SVOP: variants seen among roughly 807,000 people sequenced by gnomAD.
The protein encoded by SVOP is synaptic vesicle 2-related protein.
SVOP carries 17 observed loss-of-function variants against 69.1 expected under a neutral mutation model. The observed-to-expected ratio is 0.25, with a 90% CI of 0.17 to 0.37. The LOEUF (loss-of-function observed/expected upper bound fraction) is 0.37. SVOP is among the 10% of genes least tolerant of loss of function. The pLI, the probability that SVOP is intolerant of heterozygous loss-of-function variation, is 1.00. For synonymous variants in SVOP, 238 were observed against 238.6 expected (o/e 1.00, Z 0.02); for missense variants, 435 against 597.5 (o/e 0.73, Z 2.84).
chr12:108,942,075 A>G (rs2039894705), intron 7 of SVOP, among the ~76,000 whole-genome samples: 1 of 152,224 alleles, frequency 6.6e-6, no homozygotes, highest in African/African-American at 2.4e-5. Flanking sequence ...TAGGTACCTC[A>G]TATAAGTGGA....
At chr12:108,950,622 T>C (rs1307571600) in intron 6 of SVOP, among the ~76,000 whole-genome samples, 3 of 151,848 alleles carry the variant, frequency 2.0e-5, no homozygotes, top group Non-Finnish European at 4.4e-5. Context: ...AGTCAAGCGA[T>C]CCACCTGCTT....
chr12:108,964,687 C>T (rs2040035085), intron 5 of SVOP, among the ~76,000 whole-genome samples: 1 of 152,142 alleles, frequency 6.6e-6, no homozygotes, highest in African/African-American at 2.4e-5. Flanking sequence ...CACCCAATAG[C>T]TTGTTTGGGA....
At chr12:109,020,764 A>AC in intron 1 of SVOP, 70 bp downstream of exon 1, 2 of 194,916 alleles carry the variant, frequency 1.0e-5, no homozygotes, top group South Asian at 3.7e-5. Flanking sequence ...ACCCCCCCCC[A>AC]CCCCCCTTGC....
At chr12:108,985,090 G>A (rs1003756559) in intron 1 of SVOP, among the ~76,000 whole-genome samples, 1 of 151,956 alleles carries the variant, frequency 6.6e-6, no homozygotes, top group African/African-American at 2.4e-5. Context: ...AGTTGGACAT[G>A]GTGGTGTGTG....
chr12:108,947,368 T>C (rs1307430926), intron 6 of SVOP, among the ~76,000 whole-genome samples: 2 of 152,138 alleles, frequency 1.3e-5, no homozygotes, highest in Non-Finnish European at 2.9e-5. Context: ...TCTATCTTAC[T>C]TCTCTCCCTC....
intron 6 of SVOP, among the ~76,000 whole-genome samples, chr12:108,947,972 G>A (rs2039934373): frequency 1.3e-5 from 2 of 152,100 alleles, no homozygotes; most frequent in Non-Finnish European, 2.9e-5. Context: ...TTCTGCTAAT[G>A]GCTCATACCT....
intron 11 of SVOP, among the ~76,000 whole-genome samples, chr12:108,925,209 A>G (rs928068986): frequency 9.2e-5 from 14 of 152,214 alleles, no homozygotes; most frequent in African/African-American, 3.4e-4. Context: ...TAAGCCATCC[A>G]GGAGGTCGGA....
chr12:108,955,236 C>T (rs2039978718), intron 6 of SVOP, among the ~76,000 whole-genome samples: 2 of 152,150 alleles, frequency 1.3e-5, no homozygotes, highest in Admixed American at 1.3e-4. Flanking sequence ...TCTGAGCATC[C>T]CTGGTAAGGG....
intron 3 of SVOP, 73 bp downstream of exon 3, chr12:108,978,505 A>T: frequency 2.9e-6 from 2 of 682,264 alleles, no homozygotes; most frequent in South Asian, 3.1e-5. Context: ...CCTTCCTTGT[A>T]GGCCATGGAA....
chr12:108,925,922 CTT>C (rs796267674), intron 11 of SVOP, among the ~76,000 whole-genome samples: 11 of 143,432 alleles, frequency 7.7e-5, no homozygotes, highest in Non-Finnish European at 1.1e-4. Flanking sequence ...CATTCCTGAC[CTT>C]TTTTTTTTTT....
chr12:108,984,064 G>A (rs2040155348), intron 1 of SVOP, among the ~76,000 whole-genome samples: 2 of 152,288 alleles, frequency 1.3e-5, no homozygotes, highest in South Asian at 4.1e-4. Flanking sequence ...AATACTGTTT[G>A]TGAGTACATT....
At chr12:109,004,001 A>C (rs964545007) in intron 1 of SVOP, among the ~76,000 whole-genome samples, 2 of 152,188 alleles carry the variant, frequency 1.3e-5, no homozygotes, top group African/African-American at 4.8e-5. Flanking sequence ...TTGTTTTGAA[A>C]CAGAAATAAA....
chr12:108,977,353 G>A, intron 4 of SVOP, 45 bp downstream of exon 4: 2 of 1,530,852 alleles, frequency 1.3e-6, no homozygotes, highest in East Asian at 2.5e-5. Context: ...ACACCCCAGG[G>A]GAGCAGAACT....
At chr12:108,973,629 C>T (rs1027374532) in intron 4 of SVOP, among the ~76,000 whole-genome samples, 6 of 152,136 alleles carry the variant, frequency 3.9e-5, no homozygotes, top group African/African-American at 1.2e-4. Context: ...TAACTCCTTG[C>T]TTCAAGGGAT....
chr12:108,945,082 C>G lies in SVOP; in HGVS notation c.642+21G>C, dbSNP rs768957529. On this transcript the variant is annotated intron_variant, in intron 7 of 15. Transcript: ENST00000610966. Reference sequence around the variant, plus strand: ...GCCGGAATCCACATGCTCTAGAGACCCAGGCCGCTCTCCTCCTTACCTCAA... The same window carrying G: ...GCCGGAATCCACATGCTCTAGAGACGCAGGCCGCTCTCCTCCTTACCTCAA... The G allele has an allele frequency of 2.6e-6, 4 of 1,536,534 alleles. No homozygotes were observed. In the African/African-American group the frequency reaches 4.1e-5, roughly 16 times the overall value.
intron 1 of SVOP, among the ~76,000 whole-genome samples, chr12:108,992,577 G>A (rs1257420752): frequency 1.3e-5 from 2 of 152,070 alleles, no homozygotes; most frequent in African/African-American, 2.4e-5. Context: ...GAAACCTCCT[G>A]AAACTACTGA....
At chr12:109,005,164 T>G (rs934795608) in intron 1 of SVOP, among the ~76,000 whole-genome samples, 6 of 152,224 alleles carry the variant, frequency 3.9e-5, no homozygotes, top group Non-Finnish European at 7.3e-5. Flanking sequence ...ATTATCTGTG[T>G]GTGGAATTCA....
chr12:108,966,256 T>C (rs2040045032), intron 5 of SVOP, among the ~76,000 whole-genome samples: 1 of 152,182 alleles, frequency 6.6e-6, no homozygotes, highest in Non-Finnish European at 1.5e-5. Flanking sequence ...GTGAAGCATC[T>C]TGCCCAAGCT....
At chr12:108,951,481 CA>C (rs2039953359) in intron 6 of SVOP, among the ~76,000 whole-genome samples, 1 of 152,156 alleles carries the variant, frequency 6.6e-6, no homozygotes, top group Admixed American at 6.5e-5. Context: ...TCTCTAATGA[CA>C]AAAATAAAAT....
Sources: allele counts gnomAD v4.1 joint callset (sites outside exome capture counted in the v4.1 genomes callset), GRCh38; gene constraint gnomAD v4.1.1; transcripts MANE v1.5; gene names NCBI Gene and HGNC (gene_info 2026-07-23, HGNC 2026-07-21).